Variants in ANHX observed in about 807,000 individuals in gnomAD.
ANHX encodes the protein anomalous homeobox protein.
A neutral mutation model predicts 38.9 loss-of-function variants in ANHX; 20 were observed. That is an observed-to-expected ratio of 0.51 (90% CI 0.36 to 0.75). The LOEUF (loss-of-function observed/expected upper bound fraction) is 0.75. Among genes scored for constraint, ANHX ranks in the 30% least tolerant of loss-of-function variants. The pLI is 0.00. For synonymous variants in ANHX, 185 were observed against 203.1 expected, an observed-to-expected ratio of 0.91 and a Z score of 0.76; for missense variants, 475 against 493.1, an observed-to-expected ratio of 0.96 and a Z score of 0.35.
intron 2 of ANHX, among the ~76,000 whole-genome samples, chr12:133,233,534 C>G (rs545251697): frequency 1.3e-5 from 2 of 152,310 alleles, no homozygotes; most frequent in Admixed American, 6.5e-5. Flanking sequence ...ATGCACCACT[C>G]AGCACGACCT....
At chr12:133,219,459 G>T in intron 8 of ANHX, 92 bp from the exon 9 acceptor site, 1 of 817,030 alleles carries the variant, frequency 1.2e-6, no homozygotes, top group Non-Finnish European at 1.9e-6. Context: ...CTCATCAGGA[G>T]ACATTCTAGT....
rs1472272242 is a variant in ANHX, at chr12:133,226,284, TG to T, written c.839+33del. 9.1e-6 allele frequency: 14 copies of T among 1,535,996 alleles called. No individual in the cohort carries two copies. The African/African-American group carries it at 1.6e-4, about 18-fold the overall frequency. On this transcript the variant is annotated intron_variant, in intron 6 of 9. Transcript: ENST00000545940. ...TGAGGAGGAAAGGGAACTGAATAGG[TG>T]AGATGATTCCATGGCCATGGAGATG...
intron 2 of ANHX, 75 bp downstream of exon 2, chr12:133,234,033 T>C (rs997108279): frequency 3.2e-5 from 48 of 1,487,888 alleles, no homozygotes; most frequent in Non-Finnish European, 4.2e-5. Context: ...ACTGCTGCAG[T>C]GCCGGAGATG....
At chr12:133,234,511 AC>A in intron 1 of ANHX, 133 bp from the exon 2 acceptor site, 2 of 1,002,324 alleles carry the variant, frequency 2.0e-6, no homozygotes, top group Non-Finnish European at 2.8e-6. Context: ...TAGGAATAAG[AC>A]CTCACACATC....
At chr12:133,232,735 G>T (rs930012794) in intron 2 of ANHX, among the ~76,000 whole-genome samples, 12 of 152,112 alleles carry the variant, frequency 7.9e-5, no homozygotes, top group African/African-American at 2.7e-4. Context: ...TTGCCTTCAC[G>T]GCAGTCATTA....
intron 7 of ANHX, among the ~76,000 whole-genome samples, 77 bp downstream of exon 7, chr12:133,225,459 T>G (rs1005453371): frequency 7.2e-5 from 11 of 152,228 alleles, no homozygotes; most frequent in African/African-American, 2.7e-4. Context: ...CTACCCACAC[T>G]TCTATCCCCT....
At chr12:133,224,187 G>A (rs910030640) in intron 7 of ANHX, among the ~76,000 whole-genome samples, 3 of 152,106 alleles carry the variant, frequency 2.0e-5, no homozygotes, top group Admixed American at 6.5e-5. Flanking sequence ...CACTTGGAGG[G>A]GAAAGGGAAA....
At position 133,221,146 on chromosome 12, in the gene ANHX, T is replaced by C; in HGVS notation, c.1280+59A>G. The C allele has an allele frequency of 6.6e-7, 1 of 1,521,498 alleles. No individual in the cohort carries two copies. Among genetic ancestry groups the C allele is most frequent in the South Asian group, 1.2e-5 (1 of 82,510 alleles). 94.2% of individuals were successfully genotyped at this position (1,521,498 alleles called of 1,614,324 possible). ...GACGGTGAGTCTATAAACTGGGCAT[T>C]ACCCTATCTTGTGGCCTGTGGAAAG... On this transcript the variant is annotated intron_variant, in intron 8 of 9. Transcript: ENST00000545940. The surrounding 1 kb of genome is among the most constrained non-coding windows in gnomAD (Gnocchi z 4.1).
At position 133,226,356 on chromosome 12, in the gene ANHX, A is replaced by G. The variant is rs978945205; in HGVS notation, c.801T>C (p.Phe267=). The change falls in exon 6 of 10, where the codon TTT becomes TTC. Residue 267 remains phenylalanine, a synonymous_variant. Transcript: ENST00000545940. The part of the protein sequence containing the change: ...PWEPLALAPD[F]PADETVSKPL... ...GCTTTGAGACTGTCTCATCTGCGGG[A>G]AAGTCCGGGGCTAAGGCCAGTGGCT... 1 of 1,536,192 alleles carries G rather than the reference A, an allele frequency of 6.5e-7. No individual in the cohort carries two copies. The highest frequency in any genetic ancestry group is 1.4e-5 in the African/African-American group (1 of 73,162).
chr12:133,231,545 G>T lies in ANHX; in HGVS notation c.349C>A (p.Pro117Thr). ...MRRLGVAALT[P>T]VQKFRCRKRN... ...TTCCTGCAGCGGAACTTCTGCACCG[G>T]GGTGAGCGCAGCCACGCCCAGCCTC... The change falls in exon 3 of 10, where the codon CCG (proline) becomes ACG (threonine). Residue 117 changes from proline (P) to threonine (T), a missense_variant. Transcript: ENST00000545940. The T allele has an allele frequency of 1.3e-6, 2 of 1,536,118 alleles. No individual in the cohort carries two copies. Among genetic ancestry groups the T allele is most frequent in the East Asian group, 2.4e-5 (1 of 40,920 alleles).
At chr12:133,219,535 G>A (rs1255863760) in intron 8 of ANHX, among the ~76,000 whole-genome samples, 168 bp from the exon 9 acceptor site, 1 of 152,160 alleles carries the variant, frequency 6.6e-6, no homozygotes, top group African/African-American at 2.4e-5. Flanking sequence ...TGTTAGGAGG[G>A]GAACATGTTA....
intron 7 of ANHX, among the ~76,000 whole-genome samples, chr12:133,225,246 A>AC (rs763185739): frequency 2.7e-4 from 41 of 152,106 alleles, no homozygotes; most frequent in Non-Finnish European, 5.7e-4. Context: ...AATCAAGTGG[A>AC]CTGCAGTGGA....
At position 133,226,957 on chromosome 12, in the gene ANHX, C is replaced by T; in HGVS notation, c.697G>A (p.Val233Met). The T allele has an allele frequency of 7.2e-6, 11 of 1,530,490 alleles. No individual in the cohort carries two copies. Among genetic ancestry groups the T allele is most frequent in the Non-Finnish European group, 9.6e-6 (11 of 1,143,556 alleles). 94.8% of individuals were successfully genotyped at this position (1,530,490 alleles called of 1,614,324 possible). ...TCACCTGACCACTGAGGCCTGTCCA[C>T]AAACCCAGAGTCAACACGGGGGTTG... Reference protein sequence around the residue: ...SGNPRVDSGFVDRPQWSEERE... With the variant: ...SGNPRVDSGFMDRPQWSEERE... Residue 233 changes from valine to methionine, a missense_variant, in exon 5 of 10, where the codon GTG becomes ATG. By Grantham distance (21) the Val-to-Met change is conservative. Coordinates refer to ENST00000545940, the MANE Select transcript of ANHX (RefSeq NM_001372060.1).
At chr12:133,229,724 C>T (rs886175006) in intron 3 of ANHX, among the ~76,000 whole-genome samples, 43 of 152,178 alleles carry the variant, frequency 2.8e-4, no homozygotes, top group Non-Finnish European at 2.2e-4. Context: ...TGACACCACC[C>T]GGGAACCATC....
intron 7 of ANHX, among the ~76,000 whole-genome samples, chr12:133,223,291 G>C (rs1386207003): frequency 1.3e-5 from 2 of 151,716 alleles, no homozygotes; most frequent in Non-Finnish European, 2.9e-5. Context: ...CAAGATAAAA[G>C]GTAAGTTCTT....
intron 2 of ANHX, 27 bp from the exon 3 acceptor site, chr12:133,231,671 G>C: frequency 6.5e-7 from 1 of 1,535,400 alleles, no homozygotes; most frequent in Non-Finnish European, 8.7e-7. Context: ...ACTGAGCCCT[G>C]GCCACCTGCC....
chr12:133,222,293 C>T (rs188293662), intron 7 of ANHX, among the ~76,000 whole-genome samples: 6 of 152,156 alleles, frequency 3.9e-5, no homozygotes, highest in Admixed American at 6.5e-5. Flanking sequence ...TGTCCACAGT[C>T]GTGCAGTCAG....
At chr12:133,222,086 G>T (rs1957115759) in intron 7 of ANHX, among the ~76,000 whole-genome samples, 1 of 152,118 alleles carries the variant, frequency 6.6e-6, no homozygotes, top group African/African-American at 2.4e-5. Context: ...GCTGCCCAGG[G>T]CCTTCTTAGG....
rs1190932192 is a variant in ANHX at position 133,224,971 on chromosome 12, A to G, written c.1132+565T>C. ...GAGCAAGACTCCGTCTCAAAAAAAA[A>G]AAAAAACAAAAACAAAAAAGAAAGA... On this transcript the variant is annotated intron_variant, in intron 7 of 9. Transcript: ENST00000545940. Among the ~76,000 whole-genome samples, 662 of 151,402 alleles carry G rather than the reference A, an allele frequency of 4.4e-3. 6 individuals are homozygous for G. Among genetic ancestry groups the G allele is most frequent in the African/African-American group, 0.016 (638 of 40,950 alleles).
Sources: allele counts gnomAD v4.1 joint callset (sites outside exome capture counted in the v4.1 genomes callset), GRCh38; gene constraint gnomAD v4.1.1; non-coding constraint Gnocchi (gnomAD v3.1); transcripts MANE v1.5; gene names NCBI Gene and HGNC (gene_info 2026-07-23, HGNC 2026-07-21).